The following WDR88 variants were observed in gnomAD, a reference collection of about 807,000 sequenced individuals.
WDR88 encodes the protein WD repeat-containing protein 88.
A neutral mutation model predicts 46.8 loss-of-function variants in WDR88; 40 were observed. The observed-to-expected ratio is 0.86, with a 90% CI of 0.66 to 1.11. The LOEUF is 1.11. Ranked by LOEUF, WDR88 falls within the 50% of genes most tolerant of loss-of-function variation. The probability of loss-of-function intolerance (pLI) is 0.00; values close to 1 mark genes in which losing one functional copy is unlikely to be tolerated. For missense variants in WDR88, 562 were observed against 602.4 expected (o/e 0.93, Z 0.70); for synonymous variants, 235 against 240.7 (o/e 0.98, Z 0.22).
chr19:33,164,297 C>G, intron 9 of WDR88, 32 bp downstream of exon 9: 1 of 1,598,232 alleles, frequency 6.3e-7, no homozygotes. Context: ...ATATCGATCA[C>G]GTTCGCCAGG....
intron 1 of WDR88, among the ~76,000 whole-genome samples, chr19:33,136,791 G>C (rs929385953): frequency 6.6e-5 from 10 of 151,886 alleles, no homozygotes; most frequent in Non-Finnish European, 1.5e-4. Context: ...TGGCCAGGCT[G>C]GTCTTAATCT....
Position 33,175,569 on chromosome 19 carries a change from C to G in WDR88, c.1416C>G (p.Asp472Glu). Residue 472 changes from aspartate to glutamate, a missense_variant, in exon 11 of 11, where the codon GAC becomes GAG. Asp to Glu is a conservative substitution (Grantham distance 45, BLOSUM62 2). Coordinates refer to ENST00000355868, the MANE Select transcript of WDR88 (RefSeq NM_173479.4). The part of the protein sequence containing the change: ...NSPPPRGSKD[D>E] ...CGCCGCCAAGGGGAAGCAAGGATGA[C>G]TGACAGCCACAGGCCCCTTTGAGTG... 6.2e-7 allele frequency: 1 copy of G among 1,614,136 alleles called. No individual in the cohort carries two copies. The highest frequency in any genetic ancestry group is 1.1e-5 in the South Asian group (1 of 91,092).
chr19:33,140,530 C>T (rs1973368055), intron 2 of WDR88, among the ~76,000 whole-genome samples: 1 of 152,176 alleles, frequency 6.6e-6, no homozygotes, highest in Admixed American at 6.5e-5. Flanking sequence ...TGGCTCATGC[C>T]TGTAATCCCA....
At chr19:33,168,182 C>T (rs1481154678) in intron 9 of WDR88, among the ~76,000 whole-genome samples, 2 of 152,054 alleles carry the variant, frequency 1.3e-5, no homozygotes, top group Admixed American at 1.3e-4. Flanking sequence ...CATGTGCCAC[C>T]ATGCTCGGCT....
intron 6 of WDR88, among the ~76,000 whole-genome samples, chr19:33,153,229 GTTTTTTT>G (rs35860325): frequency 7.7e-6 from 1 of 129,516 alleles, no homozygotes; most frequent in Non-Finnish European, 1.7e-5. Flanking sequence ...TTTTAAGTTT[GTTTTTTT>G]TTTTTTTTTG....
At chr19:33,135,871 T>TTTTCTTTC (rs200259433) in intron 1 of WDR88, among the ~76,000 whole-genome samples, 221 of 152,078 alleles carry the variant, frequency 1.5e-3, no homozygotes, top group African/African-American at 5.1e-3. Flanking sequence ...TTTGGTTTTC[T>TTTTCTTTC]TTTCTTTCTT....
At chr19:33,168,272 C>T (rs1036968655) in intron 9 of WDR88, among the ~76,000 whole-genome samples, 6 of 152,026 alleles carry the variant, frequency 3.9e-5, no homozygotes, top group South Asian at 2.1e-4. Context: ...GTGATCCACC[C>T]GCCTCGGCCT....
chr19:33,142,144 A>C (rs1195216788), intron 2 of WDR88, among the ~76,000 whole-genome samples: 1 of 151,898 alleles, frequency 6.6e-6, no homozygotes, highest in Non-Finnish European at 1.5e-5. Context: ...TTATGGGTTC[A>C]CCCTCTACGG....
chr19:33,154,658 A>G (rs1208759416), intron 6 of WDR88, among the ~76,000 whole-genome samples: 2 of 152,208 alleles, frequency 1.3e-5, no homozygotes, highest in Admixed American at 6.5e-5. Flanking sequence ...TAATGCTGCA[A>G]TAAACATACG....
chr19:33,170,062 A>T (rs895768594), intron 9 of WDR88, among the ~76,000 whole-genome samples: 9 of 151,934 alleles, frequency 5.9e-5, no homozygotes, highest in East Asian at 1.9e-4. Flanking sequence ...TTTTTAGTAC[A>T]GACGGGGTTT....
chr19:33,138,495 G>A (rs1028566996), intron 2 of WDR88, among the ~76,000 whole-genome samples: 2 of 151,552 alleles, frequency 1.3e-5, no homozygotes, highest in African/African-American at 4.9e-5. Context: ...CTACAGGTGT[G>A]TGCCACTACT....
At chr19:33,144,358 C>T (rs903407827) in intron 2 of WDR88, among the ~76,000 whole-genome samples, 2 of 152,128 alleles carry the variant, frequency 1.3e-5, no homozygotes, top group African/African-American at 4.8e-5. Flanking sequence ...CGCCACCACA[C>T]CCAGCTAATT....
chr19:33,158,705 TTTG>T (rs909226430), intron 7 of WDR88, among the ~76,000 whole-genome samples: 2 of 151,960 alleles, frequency 1.3e-5, no homozygotes, highest in Non-Finnish European at 2.9e-5. Flanking sequence ...ACCATTTTTT[TTTG>T]TTGTTGTTTG....
rs532489303 is a variant in WDR88 at position 33,155,791 on chromosome 19, T to C, written c.810-564T>C. ...TTGTGCCCCAGTGGACATTTGACAA[T>C]GTCTGGACTCATGTTTTGTTGTCAC... On this transcript the variant is annotated intron_variant, in intron 6 of 10. Coordinates refer to ENST00000355868, the MANE Select transcript of WDR88 (RefSeq NM_173479.4). 1.3e-3 allele frequency among the ~76,000 whole-genome samples: 198 copies of C among 152,334 alleles called. 1 individual carries two copies. The highest frequency in any genetic ancestry group is 4.6e-3 in the African/African-American group (191 of 41,582).
At position 33,175,535 on chromosome 19, in the gene WDR88, A is replaced by G. The variant is rs776378566; in HGVS notation, c.1382A>G (p.Glu461Gly). ...TCGTCATCATCATCATCGGAAAGGGAGAACTCACCGCCGCCAAGGGGAAGC... is the reference window on the plus strand; with the variant it reads ...TCGTCATCATCATCATCGGAAAGGGGGAACTCACCGCCGCCAAGGGGAAGC... ...TSSSSSSSER[E>G]NSPPPRGSKD... is the part of the protein sequence containing the mutation. Residue 461 changes from glutamate to glycine, a missense_variant, in exon 11 of 11, where the codon GAG becomes GGG. Coordinates refer to ENST00000355868, the MANE Select transcript of WDR88 (RefSeq NM_173479.4). 6.2e-7 allele frequency: 1 copy of G among 1,614,220 alleles called. No homozygotes were observed. The highest frequency in any genetic ancestry group is 8.5e-7 in the Non-Finnish European group (1 of 1,180,040).
intron 9 of WDR88, among the ~76,000 whole-genome samples, chr19:33,171,988 G>A (rs544092276): frequency 1.3e-5 from 2 of 152,208 alleles, no homozygotes; most frequent in South Asian, 4.2e-4. Flanking sequence ...GGTCAGGCTG[G>A]TCTTGAACTC....
chr19:33,159,839 A>T (rs937821917), intron 7 of WDR88, among the ~76,000 whole-genome samples: 2 of 152,034 alleles, frequency 1.3e-5, no homozygotes, highest in African/African-American at 4.8e-5. Context: ...ATTGTAATAT[A>T]TAGTGAAATA....
At chr19:33,167,898 G>T (rs552862596) in intron 9 of WDR88, among the ~76,000 whole-genome samples, 1 of 151,684 alleles carries the variant, frequency 6.6e-6, no homozygotes, top group Admixed American at 6.6e-5. Flanking sequence ...CAATTCTCCC[G>T]GTAGAAACGG....
chr19:33,156,138 G>A (rs1568366625), intron 6 of WDR88, among the ~76,000 whole-genome samples: 2 of 152,232 alleles, frequency 1.3e-5, no homozygotes, highest in Non-Finnish European at 1.5e-5. Context: ...ATTCACATCT[G>A]GACCATGGTA....
Sources: allele counts gnomAD v4.1 joint callset (sites outside exome capture counted in the v4.1 genomes callset), GRCh38; gene constraint gnomAD v4.1.1; transcripts MANE v1.5; gene names NCBI Gene and HGNC (gene_info 2026-07-23, HGNC 2026-07-21).